CSMD3: variants seen among roughly 807,000 people sequenced by gnomAD.
The protein encoded by CSMD3 is CUB and sushi domain-containing protein 3.
Under a neutral mutation model 435.2 loss-of-function variants are expected in CSMD3, and 177 were observed. That is an observed-to-expected ratio of 0.41 (90% confidence interval 0.36 to 0.46). The LOEUF is 0.46. CSMD3 is among the 20% of genes least tolerant of loss of function. The pLI is 0.34. For missense variants in CSMD3, 4,265 were observed against 4,504.6 expected (o/e 0.95, Z 1.52); for synonymous variants, 1,656 against 1,520.5 (o/e 1.09, Z -2.07).
At chr8:113,134,378 G>A (rs891812583) in intron 4 of CSMD3, among the ~76,000 whole-genome samples, 1 of 151,954 alleles carries the variant, frequency 6.6e-6, no homozygotes, top group African/African-American at 2.4e-5. Context: ...TGTTCTATAT[G>A]TATTAGACAT....
intron 10 of CSMD3, among the ~76,000 whole-genome samples, chr8:112,915,253 T>G (rs2082539770): frequency 2.0e-5 from 3 of 151,858 alleles, no homozygotes; most frequent in Admixed American, 2.0e-4. Context: ...AGTGCTTGGT[T>G]TTTTAGTTTA....
At chr8:112,384,907 G>T (rs529928364) in intron 36 of CSMD3, among the ~76,000 whole-genome samples, 1 of 152,158 alleles carries the variant, frequency 6.6e-6, no homozygotes, top group Non-Finnish European at 1.5e-5. Flanking sequence ...ACTGCATTCA[G>T]CTTTTTAAAA....
intron 41 of CSMD3, among the ~76,000 whole-genome samples, chr8:112,343,737 C>T (rs1450148692): frequency 5.9e-5 from 9 of 152,128 alleles, no homozygotes; most frequent in East Asian, 1.9e-4. Context: ...ACTCAAACTC[C>T]GGTACTCAAG....
intron 58 of CSMD3, among the ~76,000 whole-genome samples, 186 bp downstream of exon 58, chr8:112,286,878 T>A (rs896808566): frequency 9.9e-5 from 15 of 152,096 alleles, no homozygotes; most frequent in East Asian, 9.6e-4. Context: ...GAGGGTTTTT[T>A]AAAAAAATTA....
At chr8:112,244,238 C>T (rs1294104014) in intron 65 of CSMD3, among the ~76,000 whole-genome samples, 156 bp downstream of exon 65, 1 of 152,090 alleles carries the variant, frequency 6.6e-6, no homozygotes, top group African/African-American at 2.4e-5. Flanking sequence ...ATTTATATGC[C>T]TCTGGATCCA....
At chr8:113,266,676 C>T (rs1178165994) in intron 3 of CSMD3, among the ~76,000 whole-genome samples, 4 of 151,566 alleles carry the variant, frequency 2.6e-5, no homozygotes, top group Non-Finnish European at 5.9e-5. Flanking sequence ...TTATTAGCCA[C>T]ATTTTTATAT....
At chr8:112,533,359 T>C (rs1825726332) in intron 27 of CSMD3, among the ~76,000 whole-genome samples, 1 of 151,900 alleles carries the variant, frequency 6.6e-6, no homozygotes, top group African/African-American at 2.4e-5. Flanking sequence ...GACCCAAATA[T>C]ATGCTGCTTA....
At position 113,075,806 on chromosome 8, in the gene CSMD3, T is replaced by G. The variant is rs553707727; in HGVS notation, c.917+22950A>C. 7.3e-5 allele frequency among the ~76,000 whole-genome samples: 11 copies of G among 151,330 alleles called. No homozygotes were observed. The South Asian group carries it at 2.3e-3, about 32-fold the overall frequency. ...AAGCAAATAATAGATGAAAAAAAAT[T>G]TGTAAAGTATGCTACTGTTATAAAT... On this transcript the variant is annotated intron_variant, in intron 5 of 70. Transcript: ENST00000297405.
At chr8:112,727,795 C>T (rs1459236695) in intron 13 of CSMD3, among the ~76,000 whole-genome samples, 2 of 151,660 alleles carry the variant, frequency 1.3e-5, no homozygotes, top group African/African-American at 4.8e-5. Context: ...TGAAGTGGAA[C>T]AGTAAAATAC....
At chr8:113,374,055 A>C (rs1379118924) in intron 1 of CSMD3, among the ~76,000 whole-genome samples, 1 of 152,048 alleles carries the variant, frequency 6.6e-6, no homozygotes, top group Non-Finnish European at 1.5e-5. Flanking sequence ...CTCTCTCTCC[A>C]CATATATCTA....
intron 13 of CSMD3, among the ~76,000 whole-genome samples, chr8:112,794,565 G>A (rs981797930): frequency 6.6e-6 from 1 of 151,972 alleles, no homozygotes; most frequent in Non-Finnish European, 1.5e-5. Context: ...AAAGTGCTGG[G>A]ATTATAGGTA....
chr8:112,234,321 T>C (rs1813368987), intron 68 of CSMD3, 44 bp downstream of exon 68: 1 of 1,291,956 alleles, frequency 7.7e-7, no homozygotes, highest in Non-Finnish European at 1.1e-6. Context: ...AGCTACAAAT[T>C]TATCATTAAA....
intron 13 of CSMD3, among the ~76,000 whole-genome samples, chr8:112,756,841 T>C (rs1455907566): frequency 6.6e-6 from 1 of 151,594 alleles, no homozygotes; most frequent in African/African-American, 2.4e-5. Flanking sequence ...CAATCTCTGC[T>C]CACTGCAACC....
intron 22 of CSMD3, among the ~76,000 whole-genome samples, chr8:112,627,590 A>T (rs898531920): frequency 6.6e-6 from 1 of 152,206 alleles, no homozygotes; most frequent in African/African-American, 2.4e-5. Flanking sequence ...TTTGGCTTGT[A>T]ACAAGATTTA....
intron 6 of CSMD3, among the ~76,000 whole-genome samples, chr8:112,982,852 T>A (rs1014701692): frequency 6.6e-6 from 1 of 151,986 alleles, no homozygotes; most frequent in Non-Finnish European, 1.5e-5. Flanking sequence ...GCAAAATTTA[T>A]TTTTCAGGAT....
chr8:112,567,590 G>C (rs1483706570), intron 24 of CSMD3, among the ~76,000 whole-genome samples: 1 of 152,074 alleles, frequency 6.6e-6, no homozygotes, highest in Non-Finnish European at 1.5e-5. Context: ...AGATATGCCA[G>C]GTGACCAAGT....
chr8:113,275,225 A>T lies in CSMD3; in HGVS notation c.514+3367T>A, dbSNP rs539563871. On this transcript the variant is annotated intron_variant, in intron 3 of 70. Transcript: ENST00000297405. The stretch of plus-strand genomic sequence containing the variant: ...CAATTTTACAGATGAAGACAATGAG[A>T]TTTAGATACATTAAGTATCTTCTCC... Among the ~76,000 whole-genome samples, 11 of 152,236 alleles carry T rather than the reference A, an allele frequency of 7.2e-5. No individual in the cohort carries two copies. The East Asian group carries it at 2.1e-3, about 29-fold the overall frequency.
intron 10 of CSMD3, among the ~76,000 whole-genome samples, chr8:112,920,990 C>CGT (rs1435698022): frequency 3.1e-4 from 22 of 70,734 alleles, no homozygotes; most frequent in African/African-American, 1.1e-3. Context: ...CACACATACG[C>CGT]GCGCGCGCAC....
chr8:112,328,689 G>A (rs1232346136), intron 45 of CSMD3, among the ~76,000 whole-genome samples: 1 of 152,106 alleles, frequency 6.6e-6, no homozygotes, highest in Non-Finnish European at 1.5e-5. Flanking sequence ...GAGGGGATTG[G>A]ATCATGGGGG....
Sources: gnomAD v4.1 joint callset for allele counts (sites outside exome capture counted in the v4.1 genomes callset) on GRCh38, gnomAD v4.1.1 for gene constraint, MANE v1.5 for transcripts, NCBI Gene and HGNC (gene_info 2026-07-23, HGNC 2026-07-21) for gene names.